Variants in ZNF215 observed in about 807,000 individuals in gnomAD.
The protein encoded by ZNF215 is zinc finger protein 215, also known as BWSCR2-associated zinc finger protein 2.
ZNF215 carries 24 observed loss-of-function variants against 27.2 expected under a neutral mutation model. The observed-to-expected ratio is 0.88, with a 90% confidence interval of 0.64 to 1.24. The LOEUF is 1.24. Ranked by LOEUF, ZNF215 falls within the 50% of genes most tolerant of loss-of-function variation. The pLI, the probability that ZNF215 is intolerant of heterozygous loss-of-function variation, is 0.00. For synonymous variants in ZNF215, 210 were observed against 204.0 expected (o/e 1.03, Z -0.25); for missense variants, 675 against 605.7 (o/e 1.11, Z -1.20).
chr11:6,989,310 T>G (rs1851094163), downstream of ZNF215, among the ~76,000 whole-genome samples: 1 of 152,132 alleles, frequency 6.6e-6, no homozygotes, highest in Non-Finnish European at 1.5e-5. Flanking sequence ...CAAACCTACT[T>G]CTTTCTAGCC....
At chr11:6,982,496 C>T (rs1850976259) in intron 5 of ZNF215, among the ~76,000 whole-genome samples, 1 of 152,132 alleles carries the variant, frequency 6.6e-6, no homozygotes, top group Admixed American at 6.5e-5. Context: ...AAATTGACCA[C>T]ATACTTGGAA....
At position 6,943,169 on chromosome 11, in the gene ZNF215, G is replaced by T; in HGVS notation, c.570G>T (p.Arg190Ser). Residue 190 changes from arginine to serine, a missense_variant, in exon 5 of 7, where the codon AGG becomes AGT. Coordinates refer to ENST00000278319, the MANE Select transcript of ZNF215 (RefSeq NM_013250.4). ...ACTCTGCTGTAAAGAACCTGTACAG[G>T]AATGTGATGCTGGAAAACTTTAGGA... ...QLDSAVKNLY[R>S]NVMLENFRNL... is the part of the protein sequence containing the mutation. 6.2e-7 allele frequency: 1 copy of T among 1,613,912 alleles called. No homozygotes were observed. The highest frequency in any genetic ancestry group is 1.1e-5 in the South Asian group (1 of 90,996).
At chr11:6,951,192 CTCTT>C (rs1279186688) in intron 6 of ZNF215, among the ~76,000 whole-genome samples, 2 of 152,074 alleles carry the variant, frequency 1.3e-5, no homozygotes, top group Admixed American at 6.6e-5. Flanking sequence ...GTCTAAAATT[CTCTT>C]TTTTTGTTGT....
At chr11:6,947,677 A>T (rs577056281) in intron 6 of ZNF215, among the ~76,000 whole-genome samples, 1 of 152,212 alleles carries the variant, frequency 6.6e-6, no homozygotes, top group Non-Finnish European at 1.5e-5. Context: ...CTACTAGAAC[A>T]CTGTTTTTGG....
rs915545799 is a variant in ZNF215 at position 6,957,218 on chromosome 11, T to C, written c.*687T>C. On this transcript the variant is annotated 3_prime_UTR_variant, in exon 7 of 7. Coordinates refer to ENST00000278319, the MANE Select transcript of ZNF215 (RefSeq NM_013250.4). ...ATGTTTTTGTTTTGTTATAATGTTA[T>C]AATTGTTATGATGTTGATGAGAAAA... is the stretch of plus-strand genomic sequence containing the variant. 2 of 978,728 alleles carry C rather than the reference T, an allele frequency of 2.0e-6. No homozygotes were observed. The highest frequency in any genetic ancestry group is 5.2e-4 in the Middle Eastern group (1 of 1,920). The allele number at this position is 978,728 out of a possible 1,614,324, so 60.6% of individuals were successfully genotyped here. A position where few individuals can be genotyped will look rare whatever the true frequency, so the allele number is the denominator to read the frequency against.
At chr11:6,991,447 C>T (rs955858619), downstream of ZNF215, among the ~76,000 whole-genome samples, 1 of 152,204 alleles carries the variant, frequency 6.6e-6, no homozygotes, top group African/African-American at 2.4e-5. Flanking sequence ...CCAGTGCTCC[C>T]CCGCCCACCA....
chr11:6,975,835 T>C (rs35229888), intron 5 of ZNF215, among the ~76,000 whole-genome samples: 15,979 of 152,186 alleles, frequency 0.1, 866 homozygotes, highest in East Asian at 0.15. Context: ...TTCTTTGATA[T>C]ACTGATTTCC....
Position 6,932,185 on chromosome 11 carries a change from A to C in ZNF215, c.-88A>C. On this transcript the variant is annotated 5_prime_UTR_variant, in exon 3 of 7. Transcript: ENST00000278319. Reference sequence around the variant, plus strand: ...TAACTTGGCTTAAATCACACTGCATATAGTACACAGGTGCTTAGCTCAAGC... The same window carrying C: ...TAACTTGGCTTAAATCACACTGCATCTAGTACACAGGTGCTTAGCTCAAGC... 2.0e-6 allele frequency: 3 copies of C among 1,501,112 alleles called. No homozygotes were observed. The highest frequency in any genetic ancestry group is 2.7e-6 in the Non-Finnish European group (3 of 1,114,850). The allele number at this position is 1,501,112 out of a possible 1,614,324, so 93.0% of individuals were successfully genotyped here. A position where few individuals can be genotyped will look rare whatever the true frequency, so the allele number is the denominator to read the frequency against.
chr11:6,957,879 C>G lies in ZNF215; in HGVS notation c.*1348C>G. ...TCTTCTGTAAACTACCTCAGGATCCCATCTGGTTCTTGAGCCAAGAAGTAT... is the reference window on the plus strand; with the variant it reads ...TCTTCTGTAAACTACCTCAGGATCCGATCTGGTTCTTGAGCCAAGAAGTAT... On this transcript the variant is annotated 3_prime_UTR_variant, in exon 7 of 7. Transcript: ENST00000278319. 1.0e-6 allele frequency: 1 copy of G among 985,376 alleles called. No individual in the cohort carries two copies. The highest frequency in any genetic ancestry group is 1.7e-5 in the African/African-American group (1 of 57,342). 61.0% of individuals were successfully genotyped at this position (985,376 alleles called of 1,614,324 possible).
chr11:6,978,076 C>T (rs559145422), intron 5 of ZNF215, among the ~76,000 whole-genome samples: 1 of 152,144 alleles, frequency 6.6e-6, no homozygotes, highest in African/African-American at 2.4e-5. Flanking sequence ...GCATTTACTA[C>T]TCAGAAACTG....
At chr11:6,967,762 C>G (rs1850651911) in intron 5 of ZNF215, among the ~76,000 whole-genome samples, 1 of 152,122 alleles carries the variant, frequency 6.6e-6, no homozygotes, top group Non-Finnish European at 1.5e-5. Flanking sequence ...ATGATAGTTT[C>G]TTTTGCTGTG....
intron 5 of ZNF215, among the ~76,000 whole-genome samples, chr11:6,976,276 G>T (rs1850831603): frequency 6.6e-6 from 1 of 151,902 alleles, no homozygotes; most frequent in African/African-American, 2.4e-5. Flanking sequence ...CAGTAAAAGT[G>T]GCCTGAGTAT....
Position 6,936,162 on chromosome 11 carries a change from A to C in ZNF215, c.400+3490A>C, listed in dbSNP as rs141661580. 7.0e-3 allele frequency among the ~76,000 whole-genome samples: 1,060 copies of C among 152,164 alleles called. 14 individuals are homozygous for C. The highest frequency in any genetic ancestry group is 0.022 in the African/African-American group (929 of 41,556). On this transcript the variant is annotated intron_variant, in intron 3 of 6. Transcript: ENST00000278319. The stretch of plus-strand genomic sequence containing the variant: ...AAAGAAAATAAATATTAGAACAAAG[A>C]TAAATGATGTGGAGCCCACAAAAAT...
chr11:6,932,089 T>C lies in ZNF215; in HGVS notation c.-179-5T>C. ...CCCTGTGGGTTAATTTCTATCTTTTTTCAGTTGCTCAGGTACCTGAATATT... is the reference window on the plus strand; with the variant it reads ...CCCTGTGGGTTAATTTCTATCTTTTCTCAGTTGCTCAGGTACCTGAATATT... On this transcript the variant is annotated splice_polypyrimidine_tract_variant and splice_region_variant and intron_variant, in intron 2 of 6. Transcript: ENST00000278319. 1.7e-6 allele frequency: 1 copy of C among 599,632 alleles called. No individual in the cohort carries two copies. The highest frequency in any genetic ancestry group is 3.6e-5 in the South Asian group (1 of 27,778). The allele number at this position is 599,632 out of a possible 1,614,324, so 37.1% of individuals were successfully genotyped here.
At chr11:6,976,670 G>A (rs181797354) in intron 5 of ZNF215, among the ~76,000 whole-genome samples, 3 of 151,930 alleles carry the variant, frequency 2.0e-5, no homozygotes, top group African/African-American at 7.2e-5. Flanking sequence ...TTCTCACCTG[G>A]AGAGGTAACT....
chr11:6,938,747 G>A (rs12223656), intron 3 of ZNF215, among the ~76,000 whole-genome samples: 42,856 of 151,956 alleles, frequency 0.28, 7,323 homozygotes, highest in East Asian at 0.39. Flanking sequence ...GTGTGTATGA[G>A]AGTGACTCCT....
intron 5 of ZNF215, among the ~76,000 whole-genome samples, chr11:6,964,346 A>G (rs1395842352): frequency 6.6e-6 from 1 of 152,024 alleles, no homozygotes; most frequent in Non-Finnish European, 1.5e-5. Flanking sequence ...TCACTGTCAT[A>G]CCTAAAATAT....
At chr11:6,927,888 A>C (rs968130020) in intron 2 of ZNF215, 81 bp downstream of exon 2, 1 of 152,112 alleles carries the variant, frequency 6.6e-6, no homozygotes, top group Non-Finnish European at 1.5e-5. Flanking sequence ...CCTGAGTTGG[A>C]TATTTAATGC....
At position 6,955,881 on chromosome 11, in the gene ZNF215, G is replaced by A; in HGVS notation, c.904G>A (p.Glu302Lys). The A allele has an allele frequency of 6.2e-7, 1 of 1,610,272 alleles. No homozygotes were observed. The highest frequency in any genetic ancestry group is 8.5e-7 in the Non-Finnish European group (1 of 1,179,052). Reference sequence around the variant, plus strand: ...AATTTACACTGAGGAGGAAGATTTTGAATGTAGTGAAAATAAGAAAAGCTT... The same window carrying A: ...AATTTACACTGAGGAGGAAGATTTTAAATGTAGTGAAAATAAGAAAAGCTT... ...ETIYTEEEDF[E>K]CSENKKSFDI... Residue 302 changes from glutamate (E) to lysine (K), a missense_variant, in exon 7 of 7, where the codon GAA (glutamate) becomes AAA (lysine). By Grantham distance (56) the Glu-to-Lys change is moderately conservative (BLOSUM62 1). Transcript: ENST00000278319.
Sources: gnomAD v4.1 joint callset for allele counts (sites outside exome capture counted in the v4.1 genomes callset) on GRCh38, gnomAD v4.1.1 for gene constraint, MANE v1.5 for transcripts, NCBI Gene and HGNC (gene_info 2026-07-23, HGNC 2026-07-21) for gene names.